OPCML: variants seen among roughly 807,000 people sequenced by gnomAD.
OPCML encodes the protein opioid-binding protein/cell adhesion molecule.
In OPCML, 13 loss-of-function variants were observed where a neutral mutation model predicts 37.8. That is an observed-to-expected ratio of 0.34 (90% CI 0.22 to 0.55). The LOEUF (loss-of-function observed/expected upper bound fraction) is 0.55, where lower values mean the gene tolerates loss of function less well. OPCML is among the 20% of genes least tolerant of loss of function. The probability of loss-of-function intolerance (pLI) is 0.91; values close to 1 mark genes in which losing one functional copy is unlikely to be tolerated. For missense variants in OPCML, 341 were observed against 435.6 expected (o/e 0.78, Z 1.93); for synonymous variants, 176 against 168.8 (o/e 1.04, Z -0.33).
intron 2 of OPCML, among the ~76,000 whole-genome samples, chr11:132,830,627 C>T (rs968582674): frequency 2.6e-5 from 4 of 152,216 alleles, no homozygotes; most frequent in Admixed American, 2.6e-4. Context: ...CCAGGAGGTG[C>T]TGGCTCATGG....
intron 2 of OPCML, among the ~76,000 whole-genome samples, chr11:132,900,196 T>C (rs894309027): frequency 9.2e-5 from 14 of 152,212 alleles, no homozygotes; most frequent in African/African-American, 3.4e-4. Flanking sequence ...ATGGACTTAT[T>C]ATAGGCTCAT....
rs147426296 is a variant in OPCML, at chr11:132,795,401, A to G, written c.147-138082T>C. On this transcript the variant is annotated intron_variant, in intron 2 of 7. Transcript: ENST00000524381. Reference sequence around the variant, plus strand: ...ACCCATTCAAAGAGTATAAAATACAATGTTTCCTAATATATTCACAGAAGT... The same window carrying G: ...ACCCATTCAAAGAGTATAAAATACAGTGTTTCCTAATATATTCACAGAAGT... 4.7e-3 allele frequency among the ~76,000 whole-genome samples: 715 copies of G among 152,340 alleles called. 4 individuals are homozygous for G. The highest frequency in any genetic ancestry group is 0.01 in the Admixed American group (160 of 15,302).
At chr11:132,683,888 G>A (rs542888309) in intron 2 of OPCML, among the ~76,000 whole-genome samples, 1 of 152,014 alleles carries the variant, frequency 6.6e-6, no homozygotes, top group Non-Finnish European at 1.5e-5. Context: ...TCATATCAAA[G>A]CTCCCTTTCA....
chr11:132,435,200 G>A, intron 7 of OPCML: 3 of 1,289,716 alleles, frequency 2.3e-6, no homozygotes, highest in Non-Finnish European at 3.0e-6. Flanking sequence ...GACACACACA[G>A]CACAATGCAC....
At chr11:133,446,966 T>G (rs745704074) in intron 1 of OPCML, among the ~76,000 whole-genome samples, 2 of 152,222 alleles carry the variant, frequency 1.3e-5, no homozygotes, top group Non-Finnish European at 2.9e-5. Flanking sequence ...TCCCAATTAT[T>G]TTGTATGAGT....
chr11:133,409,957 G>C (rs1342603072), intron 1 of OPCML, among the ~76,000 whole-genome samples: 1 of 152,062 alleles, frequency 6.6e-6, no homozygotes, highest in Non-Finnish European at 1.5e-5. Context: ...GCTATCTGCA[G>C]AGGTGGGTCA....
At chr11:133,386,661 C>A (rs190453871) in intron 1 of OPCML, among the ~76,000 whole-genome samples, 1 of 152,204 alleles carries the variant, frequency 6.6e-6, no homozygotes, top group African/African-American at 2.4e-5. Context: ...TTTCCCTCTG[C>A]GATGTCCTCT....
At chr11:132,649,452 C>T (rs572744773) in intron 3 of OPCML, among the ~76,000 whole-genome samples, 1 of 152,100 alleles carries the variant, frequency 6.6e-6, no homozygotes, top group Non-Finnish European at 1.5e-5. Context: ...GATAGGACCA[C>T]GGCATGGTGG....
chr11:133,328,014 ACTCCTATGCTTACTAAAAACCT>A (rs1943518898), intron 1 of OPCML, among the ~76,000 whole-genome samples: 1 of 152,064 alleles, frequency 6.6e-6, no homozygotes, highest in East Asian at 1.9e-4. Context: ...GACTTTCTTA[ACTCCTATGCTTACTAAAAACCT>A]AGGCACTCAT....
chr11:133,188,873 G>C (rs1322237780), intron 1 of OPCML, among the ~76,000 whole-genome samples: 3 of 152,108 alleles, frequency 2.0e-5, no homozygotes, highest in African/African-American at 7.2e-5. Context: ...CCAGGCCTGA[G>C]TTCTGCACTT....
intron 1 of OPCML, among the ~76,000 whole-genome samples, chr11:133,062,987 TG>T (rs2136992834): frequency 6.6e-6 from 1 of 152,372 alleles, no homozygotes; most frequent in South Asian, 2.1e-4. Flanking sequence ...GCATCCTCCT[TG>T]TGCCTGTCCA....
intron 2 of OPCML, among the ~76,000 whole-genome samples, chr11:132,671,976 C>T (rs977379511): frequency 3.9e-5 from 6 of 152,152 alleles, no homozygotes; most frequent in African/African-American, 1.4e-4. Flanking sequence ...AATTATTATG[C>T]ACTTCCTCAG....
At chr11:132,561,415 G>GTCTCCACT (rs1256449066) in intron 3 of OPCML, among the ~76,000 whole-genome samples, 1 of 152,190 alleles carries the variant, frequency 6.6e-6, no homozygotes, top group Non-Finnish European at 1.5e-5. Context: ...GCCCCTGCCT[G>GTCTCCACT]TCTCCACTGA....
At chr11:133,059,634 A>G (rs1948303400) in intron 1 of OPCML, among the ~76,000 whole-genome samples, 1 of 152,230 alleles carries the variant, frequency 6.6e-6, no homozygotes, top group African/African-American at 2.4e-5. Context: ...CATTTTTAAA[A>G]CTTTGCCTGG....
At position 133,034,742 on chromosome 11, in the gene OPCML, T is replaced by C. The variant is rs548456099; in HGVS notation, c.62-91732A>G. 5.6e-5 allele frequency among the ~76,000 whole-genome samples: 8 copies of C among 142,452 alleles called. No individual in the cohort carries two copies. In the East Asian group the frequency reaches 1.3e-3, roughly 24 times the overall value. 93.5% of individuals were successfully genotyped at this position (142,452 alleles called of 152,430 possible). ...AGTAAGTGCTTAGTAAAGTCTGTTGTTTTTTTTCCTTTTTTTTTTTTTGCT... is the reference window on the plus strand; with the variant it reads ...AGTAAGTGCTTAGTAAAGTCTGTTGCTTTTTTTCCTTTTTTTTTTTTTGCT... On this transcript the variant is annotated intron_variant, in intron 1 of 7. Coordinates refer to ENST00000524381, the MANE Select transcript of OPCML (RefSeq NM_001012393.5).
chr11:132,933,830 A>G (rs992422214), intron 2 of OPCML, among the ~76,000 whole-genome samples: 1 of 152,136 alleles, frequency 6.6e-6, no homozygotes, highest in African/African-American at 2.4e-5. Context: ...CGGCGGTACA[A>G]ATTTGAGTTC....
intron 1 of OPCML, among the ~76,000 whole-genome samples, chr11:133,309,488 C>G (rs930118478): frequency 6.6e-6 from 1 of 152,134 alleles, no homozygotes; most frequent in Non-Finnish European, 1.5e-5. Flanking sequence ...TTGGAGAATA[C>G]TAAATGCAGA....
intron 2 of OPCML, among the ~76,000 whole-genome samples, chr11:132,820,340 G>A (rs193158451): frequency 1.3e-5 from 2 of 152,220 alleles, no homozygotes; most frequent in African/African-American, 4.8e-5. Flanking sequence ...TCCATATGTA[G>A]GTATTTGAGG....
At chr11:133,432,707 T>C (rs961015690) in intron 1 of OPCML, among the ~76,000 whole-genome samples, 7 of 152,226 alleles carry the variant, frequency 4.6e-5, no homozygotes, top group African/African-American at 1.4e-4. Context: ...TTTGACATTT[T>C]CCATTTTTTT....
Sources: gnomAD v4.1 joint callset for allele counts (sites outside exome capture counted in the v4.1 genomes callset) on GRCh38, gnomAD v4.1.1 for gene constraint, MANE v1.5 for transcripts, NCBI Gene and HGNC (gene_info 2026-07-23, HGNC 2026-07-21) for gene names.